The following LRP1B variants were observed in gnomAD, a reference collection of about 807,000 sequenced individuals.
LRP1B encodes low-density lipoprotein receptor-related protein 1B.
A neutral mutation model predicts 556.6 loss-of-function variants in LRP1B; 217 were observed. The observed-to-expected ratio is 0.39, with a 90% CI of 0.35 to 0.44. The LOEUF (loss-of-function observed/expected upper bound fraction) is 0.44, where lower values mean the gene tolerates loss of function less well. Ranked by LOEUF, LRP1B falls within the 20% of genes least tolerant of loss-of-function variation. LRP1B has a pLI of 1.00. For synonymous variants in LRP1B, 2,047 were observed against 1,865.8 expected (o/e 1.10, Z -2.50); for missense variants, 5,053 against 5,620.8 (o/e 0.90, Z 3.23).
rs115076347 is a variant in LRP1B at position 141,782,469 on chromosome 2, C to T, written c.205+27810G>A. 3.3e-3 allele frequency among the ~76,000 whole-genome samples: 469 copies of T among 141,590 alleles called. 3 individuals are homozygous for T. Among genetic ancestry groups the T allele is most frequent in the African/African-American group, 0.012 (445 of 37,694 alleles). 92.9% of individuals were successfully genotyped at this position (141,590 alleles called of 152,430 possible). ...TAATCATTTTTATGCTTGCAAAGTT[C>T]AATTGTTTTGGTTTGTAACACATTT... On this transcript the variant is annotated intron_variant, in intron 2 of 90. Transcript: ENST00000389484.
intron 7 of LRP1B, among the ~76,000 whole-genome samples, chr2:141,120,908 T>C (rs959525422): frequency 2.6e-5 from 4 of 152,000 alleles, no homozygotes; most frequent in Non-Finnish European, 2.9e-5. Context: ...GAGTCCACCA[T>C]GCATTGCACA....
intron 59 of LRP1B, among the ~76,000 whole-genome samples, chr2:140,484,600 C>T (rs1688388159): frequency 6.6e-6 from 1 of 152,092 alleles, no homozygotes; most frequent in Non-Finnish European, 1.5e-5. Context: ...AGCATGTAAT[C>T]ACTCTAAATT....
chr2:141,940,011 A>AATTCTTTTGAAG (rs1700750155), intron 1 of LRP1B, among the ~76,000 whole-genome samples: 1 of 151,706 alleles, frequency 6.6e-6, no homozygotes, highest in East Asian at 1.9e-4. Context: ...ATAAACATTA[A>AATTCTTTTGAAG]ATCTCAAGTC....
intron 7 of LRP1B, among the ~76,000 whole-genome samples, chr2:141,159,881 C>T (rs1347711540): frequency 6.6e-6 from 1 of 152,126 alleles, no homozygotes; most frequent in East Asian, 1.9e-4. Context: ...CCTCAGCAAA[C>T]TAACACAGGA....
intron 2 of LRP1B, among the ~76,000 whole-genome samples, chr2:141,655,236 T>A (rs572943107): frequency 2.0e-5 from 3 of 152,172 alleles, no homozygotes; most frequent in Admixed American, 6.5e-5. Context: ...TTTATATTCA[T>A]GCTTTTCATA....
intron 20 of LRP1B, among the ~76,000 whole-genome samples, chr2:140,930,610 T>A (rs1386930478): frequency 6.6e-6 from 1 of 152,152 alleles, no homozygotes; most frequent in African/African-American, 2.4e-5. Context: ...TACAATGGAA[T>A]ATTTAAATTG....
chr2:141,838,938 C>A (rs937867686), intron 1 of LRP1B, among the ~76,000 whole-genome samples: 1 of 152,146 alleles, frequency 6.6e-6, no homozygotes, highest in Non-Finnish European at 1.5e-5. Flanking sequence ...ACCTGGCCAG[C>A]AGTCTGCTTC....
chr2:140,926,919 A>G (rs1425490583), intron 20 of LRP1B, among the ~76,000 whole-genome samples: 1 of 152,146 alleles, frequency 6.6e-6, no homozygotes, highest in Non-Finnish European at 1.5e-5. Context: ...ATGGTAGCTT[A>G]GATGGCACTC....
rs144725766 is a variant in LRP1B at position 141,638,860 on chromosome 2, C to CATATAT, written c.206-158333_206-158328dup. 3.6e-4 allele frequency among the ~76,000 whole-genome samples: 19 copies of CATATAT among 53,356 alleles called. 1 individual carries two copies. Among genetic ancestry groups the CATATAT allele is most frequent in the African/African-American group, 1.0e-3 (17 of 16,582 alleles). 35.0% of individuals were successfully genotyped at this position (53,356 alleles called of 152,430 possible). On this transcript the variant is annotated intron_variant, in intron 2 of 90. Transcript: ENST00000389484. Reference sequence around the variant, plus strand: ...ATCAAAATTGAGACTGTAAGGTAGCCATATATATATATATATATATATGTG... The same window carrying CATATAT: ...ATCAAAATTGAGACTGTAAGGTAGCCATATATATATATATATATATATATATATGTG...
intron 35 of LRP1B, among the ~76,000 whole-genome samples, chr2:140,766,082 C>A (rs1248398154): frequency 5.3e-5 from 8 of 151,760 alleles, no homozygotes; most frequent in Admixed American, 5.3e-4. Flanking sequence ...TATCTTTGAT[C>A]CTAATGTAGA....
At position 141,685,612 on chromosome 2, in the gene LRP1B, G is replaced by A. The variant is rs528985562; in HGVS notation, c.205+124667C>T. 2.0e-5 allele frequency among the ~76,000 whole-genome samples: 3 copies of A among 152,128 alleles called. No individual in the cohort carries two copies. The South Asian group carries it at 6.2e-4, about 32-fold the overall frequency. On this transcript the variant is annotated intron_variant, in intron 2 of 90. Coordinates refer to ENST00000389484, the MANE Select transcript of LRP1B (RefSeq NM_018557.3). ...GAAGATTATCCTGGATTATCTAGGTGAGCCCAGTGTAATCATAAACATTCT... is the reference window on the plus strand; with the variant it reads ...GAAGATTATCCTGGATTATCTAGGTAAGCCCAGTGTAATCATAAACATTCT...
intron 41 of LRP1B, among the ~76,000 whole-genome samples, chr2:140,695,184 T>C (rs1686386627): frequency 1.3e-5 from 2 of 151,698 alleles, no homozygotes; most frequent in South Asian, 2.1e-4. Flanking sequence ...TACTCACTTC[T>C]CTCTACTGGG....
chr2:140,627,739 G>GA lies in LRP1B; in HGVS notation c.6800-26101dup, dbSNP rs199604132. On this transcript the variant is annotated intron_variant, in intron 41 of 90. Coordinates refer to ENST00000389484, the MANE Select transcript of LRP1B (RefSeq NM_018557.3). ...ACCAATTTAATTATTTATATATACA[G>GA]AAAAAAAGAATATCTCCTGTCAACC... Among the ~76,000 whole-genome samples, 375 of 152,076 alleles carry GA rather than the reference G, an allele frequency of 2.5e-3. 2 individuals carry two copies. Among genetic ancestry groups the GA allele is most frequent in the African/African-American group, 8.7e-3 (361 of 41,510 alleles).
intron 3 of LRP1B, among the ~76,000 whole-genome samples, chr2:141,479,486 C>T (rs1682836377): frequency 6.6e-6 from 1 of 152,140 alleles, no homozygotes; most frequent in Admixed American, 6.5e-5. Flanking sequence ...TCTCCAGTTT[C>T]CTCTCCTTTC....
At chr2:141,703,710 C>T (rs1315016186) in intron 2 of LRP1B, among the ~76,000 whole-genome samples, 1 of 151,952 alleles carries the variant, frequency 6.6e-6, no homozygotes, top group Non-Finnish European at 1.5e-5. Context: ...CTAAATCACA[C>T]ATCCTGAGTT....
chr2:140,427,056 T>A (rs1392124873), intron 66 of LRP1B, among the ~76,000 whole-genome samples: 3 of 152,160 alleles, frequency 2.0e-5, no homozygotes, highest in Non-Finnish European at 4.4e-5. Context: ...TCTCTTAATT[T>A]CAATTCCTTT....
intron 83 of LRP1B, among the ~76,000 whole-genome samples, chr2:140,298,857 A>G (rs1683706094): frequency 6.6e-6 from 1 of 150,768 alleles, no homozygotes; most frequent in Non-Finnish European, 1.5e-5. Flanking sequence ...AGGAGAAGAG[A>G]AGGAGAAAGA....
At chr2:141,642,767 G>GT (rs1689387290) in intron 2 of LRP1B, among the ~76,000 whole-genome samples, 1 of 151,988 alleles carries the variant, frequency 6.6e-6, no homozygotes, top group Non-Finnish European at 1.5e-5. Context: ...ACAAAATAAC[G>GT]TTTTTGGTGG....
At chr2:141,284,184 G>T (rs1685617528) in intron 3 of LRP1B, among the ~76,000 whole-genome samples, 1 of 152,214 alleles carries the variant, frequency 6.6e-6, no homozygotes, top group Admixed American at 6.5e-5. Flanking sequence ...AAAAAGAAGG[G>T]ACTAGCTCAC....
Sources: allele counts gnomAD v4.1 joint callset (sites outside exome capture counted in the v4.1 genomes callset), GRCh38; gene constraint gnomAD v4.1.1; transcripts MANE v1.5; gene names NCBI Gene and HGNC (gene_info 2026-07-23, HGNC 2026-07-21).